STK32B: variants seen among roughly 807,000 people sequenced by gnomAD.
STK32B encodes serine/threonine-protein kinase 32B.
A neutral mutation model predicts 52.6 loss-of-function variants in STK32B; 43 were observed. The observed-to-expected ratio is 0.82, with a 90% CI of 0.64 to 1.05. The LOEUF is 1.05. Ranked by LOEUF, STK32B falls within the 50% of genes least tolerant of loss-of-function variation. The pLI is 0.00. For missense variants in STK32B, 621 were observed against 534.6 expected, an observed-to-expected ratio of 1.16 and a Z score of -1.59; for synonymous variants, 238 against 204.3, an observed-to-expected ratio of 1.17 and a Z score of -1.41.
At chr4:5,308,535 G>A (rs1310773830) in intron 3 of STK32B, among the ~76,000 whole-genome samples, 7 of 152,112 alleles carry the variant, frequency 4.6e-5, no homozygotes, top group South Asian at 2.1e-4. Flanking sequence ...TGTGGTATGT[G>A]TCAATCATTC....
intron 3 of STK32B, among the ~76,000 whole-genome samples, chr4:5,238,001 A>G (rs1191770905): frequency 1.3e-5 from 2 of 152,320 alleles, no homozygotes; most frequent in East Asian, 3.9e-4. Context: ...TTTGAAAACG[A>G]GAGAGTCTGA....
intron 11 of STK32B, among the ~76,000 whole-genome samples, chr4:5,472,498 CT>C: frequency 1.3e-5 from 2 of 152,328 alleles, no homozygotes; most frequent in East Asian, 3.9e-4. Flanking sequence ...GCCTTGGCAG[CT>C]GAGACTTCCA....
intron 3 of STK32B, among the ~76,000 whole-genome samples, chr4:5,309,461 G>T (rs1730146035): frequency 6.6e-6 from 1 of 152,184 alleles, no homozygotes; most frequent in South Asian, 2.1e-4. Context: ...AAGGTTGGAG[G>T]TATCACACTA....
chr4:5,408,567 A>G (rs1388339241), intron 5 of STK32B, among the ~76,000 whole-genome samples: 2 of 152,246 alleles, frequency 1.3e-5, no homozygotes, highest in Admixed American at 6.5e-5. Flanking sequence ...TTTTATAGCA[A>G]TGCGAGAACA....
chr4:5,190,688 G>A (rs1401991048), intron 3 of STK32B, among the ~76,000 whole-genome samples: 4 of 152,180 alleles, frequency 2.6e-5, no homozygotes, highest in Non-Finnish European at 5.9e-5. Context: ...ATTCCGGCCG[G>A]TGTGAATAAG....
At chr4:5,122,167 T>C (rs1384878752) in intron 1 of STK32B, among the ~76,000 whole-genome samples, 4 of 150,006 alleles carry the variant, frequency 2.7e-5, no homozygotes, top group African/African-American at 1.0e-4. Context: ...CATTCACTTA[T>C]TCACTTCTTC....
intron 3 of STK32B, among the ~76,000 whole-genome samples, chr4:5,280,391 C>T (rs1728116890): frequency 6.6e-6 from 1 of 152,160 alleles, no homozygotes. Flanking sequence ...TGGTCACAAG[C>T]ATTCAACAAG....
At chr4:5,465,957 C>G (rs1717395389) in intron 9 of STK32B, among the ~76,000 whole-genome samples, 2 of 152,124 alleles carry the variant, frequency 1.3e-5, no homozygotes, top group South Asian at 4.1e-4. Flanking sequence ...AGCTAATGAA[C>G]TGAGTCCCAA....
chr4:5,102,191 T>C (rs890283863), intron 1 of STK32B, among the ~76,000 whole-genome samples: 3 of 152,158 alleles, frequency 2.0e-5, no homozygotes, highest in African/African-American at 7.2e-5. Context: ...AGTTTCCTCA[T>C]TTGTAAAATG....
rs1717686280 is a variant in STK32B at position 5,469,384 on chromosome 4, G to A, written c.1106+1314G>A. ...GACACCTGGCTCAGCCTGGGTGGTTGGGGAAGTTCTCTAGGTGGCGTGCTG... is the reference window on the plus strand; with the variant it reads ...GACACCTGGCTCAGCCTGGGTGGTTAGGGAAGTTCTCTAGGTGGCGTGCTG... On this transcript the variant is annotated intron_variant, in intron 11 of 11. Transcript: ENST00000282908. This position sits in a 1 kb window ranked among gnomAD's most constrained non-coding sequence, Gnocchi z 4.7. Among the ~76,000 whole-genome samples, 1 of 152,222 alleles carries A rather than the reference G, an allele frequency of 6.6e-6. No individual in the cohort carries two copies. The highest frequency in any genetic ancestry group is 1.5e-5 in the Non-Finnish European group (1 of 68,036).
At chr4:5,323,789 C>A (rs1486697756) in intron 3 of STK32B, among the ~76,000 whole-genome samples, 4 of 152,106 alleles carry the variant, frequency 2.6e-5, no homozygotes, top group African/African-American at 9.7e-5. Context: ...TAGCTAGGTC[C>A]CTGCACTCAG....
At chr4:5,177,189 G>C (rs147121508) in intron 3 of STK32B, among the ~76,000 whole-genome samples, 1 of 152,184 alleles carries the variant, frequency 6.6e-6, no homozygotes, top group Non-Finnish European at 1.5e-5. Context: ...TCACAGTTCT[G>C]CGTGGCTGGG....
chr4:5,198,246 ACT>A (rs749252645), intron 3 of STK32B, among the ~76,000 whole-genome samples: 11 of 152,134 alleles, frequency 7.2e-5, no homozygotes, highest in Middle Eastern at 6.3e-3. Flanking sequence ...GTCAGCCAAC[ACT>A]CTATCAAAAA....
chr4:5,031,697 G>A, the STK32B span, among the ~76,000 whole-genome samples: 1 of 152,184 alleles, frequency 6.6e-6, no homozygotes, highest in Non-Finnish European at 1.5e-5. Context: ...TTTGCACAGG[G>A]ATGTAAGAAG....
intron 4 of STK32B, among the ~76,000 whole-genome samples, chr4:5,357,063 A>G (rs532170951): frequency 3.3e-4 from 48 of 146,826 alleles, no homozygotes; most frequent in East Asian, 3.2e-3. Flanking sequence ...ACACATATAT[A>G]CACACATATA....
intron 4 of STK32B, among the ~76,000 whole-genome samples, chr4:5,344,760 TTTC>T: frequency 6.6e-6 from 1 of 152,110 alleles, no homozygotes; most frequent in South Asian, 2.1e-4. Context: ...AGCCAACACC[TTTC>T]TTTAGTTAAA....
chr4:5,208,034 A>G (rs1722684468), intron 3 of STK32B, among the ~76,000 whole-genome samples: 2 of 151,906 alleles, frequency 1.3e-5, no homozygotes, highest in African/African-American at 4.8e-5. Flanking sequence ...GTAAAAAACA[A>G]CCCCCAGTTT....
chr4:5,158,611 C>T (rs1013347884), intron 2 of STK32B, among the ~76,000 whole-genome samples: 5 of 152,216 alleles, frequency 3.3e-5, no homozygotes, highest in African/African-American at 1.2e-4. Flanking sequence ...CAACAAAGCA[C>T]TGCAGAGTTG....
At chr4:5,289,167 G>A (rs541988835) in intron 3 of STK32B, among the ~76,000 whole-genome samples, 2 of 152,314 alleles carry the variant, frequency 1.3e-5, no homozygotes, top group East Asian at 3.9e-4. Flanking sequence ...ACAGATATAT[G>A]TAGGATGTTA....
Sources: gnomAD v4.1 joint callset for allele counts (sites outside exome capture counted in the v4.1 genomes callset) on GRCh38, gnomAD v4.1.1 for gene constraint, Gnocchi (gnomAD v3.1) non-coding constraint, MANE v1.5 for transcripts, NCBI Gene and HGNC (gene_info 2026-07-23, HGNC 2026-07-21) for gene names.